Variants in PCLO observed in about 807,000 individuals in gnomAD.
The protein encoded by PCLO is protein piccolo.
In PCLO, 82 loss-of-function variants were observed where a neutral mutation model predicts 427.5. That is an observed-to-expected ratio of 0.19 (90% CI 0.16 to 0.23). The LOEUF (loss-of-function observed/expected upper bound fraction) is 0.23, where lower values mean the gene tolerates loss of function less well. PCLO is among the 10% of genes least tolerant of loss of function. The pLI, the probability that PCLO is intolerant of heterozygous loss-of-function variation, is 1.00. For missense variants in PCLO, 6,239 were observed against 6,115.9 expected, an observed-to-expected ratio of 1.02 and a Z score of -0.67; for synonymous variants, 2,357 against 2,155.4, an observed-to-expected ratio of 1.09 and a Z score of -2.59.
intron 3 of PCLO, among the ~76,000 whole-genome samples, chr7:82,977,997 A>C (rs1182705132): frequency 2.0e-5 from 3 of 152,168 alleles, no homozygotes; most frequent in East Asian, 3.9e-4. Context: ...TTTCATATAT[A>C]TCTTTTAAAA....
chr7:82,772,631 TTC>T (rs1790670428), intron 22 of PCLO, among the ~76,000 whole-genome samples: 1 of 152,202 alleles, frequency 6.6e-6, no homozygotes, highest in Non-Finnish European at 1.5e-5. Context: ...AGCCTGCACA[TTC>T]TCTCTGTATT....
intron 10 of PCLO, among the ~76,000 whole-genome samples, chr7:82,867,468 C>A (rs1312336794): frequency 6.6e-6 from 1 of 152,166 alleles, no homozygotes; most frequent in African/African-American, 2.4e-5. Context: ...AAAAGCATGG[C>A]TGTCTACAAA....
At position 82,966,518 on chromosome 7, in the gene PCLO, G is replaced by A. The variant is rs6963292; in HGVS notation, c.3301-31C>T. The A allele has an allele frequency of 0.015, 20,002 of 1,341,420 alleles. 2,379 individuals are homozygous for A. The African/African-American group carries it at 0.26, about 17-fold the overall frequency. 83.1% of individuals were successfully genotyped at this position (1,341,420 alleles called of 1,614,324 possible). ...GGAAAAAAATTACAATGAACAGATTGAATGTATTATAATGTATCTGTTTCT... is the reference window on the plus strand; with the variant it reads ...GGAAAAAAATTACAATGAACAGATTAAATGTATTATAATGTATCTGTTTCT... On this transcript the variant is annotated intron_variant, in intron 3 of 24. Coordinates refer to ENST00000333891, the MANE Select transcript of PCLO (RefSeq NM_033026.6).
At chr7:82,945,719 TCCTGTA>T (rs1298254248) in intron 6 of PCLO, among the ~76,000 whole-genome samples, 1 of 152,194 alleles carries the variant, frequency 6.6e-6, no homozygotes, top group Admixed American at 6.5e-5. Context: ...CTCTGATTCA[TCCTGTA>T]CCTTTACAGT....
intron 2 of PCLO, among the ~76,000 whole-genome samples, chr7:83,147,629 A>C (rs1792028408): frequency 6.6e-6 from 1 of 152,210 alleles, no homozygotes; most frequent in Non-Finnish European, 1.5e-5. Flanking sequence ...TTTCACCAAG[A>C]AGAATACCAA....
chr7:82,890,356 GTGTTC>G (rs1793728747), intron 9 of PCLO, among the ~76,000 whole-genome samples: 2 of 151,872 alleles, frequency 1.3e-5, no homozygotes. Context: ...ATAGTTTCAT[GTGTTC>G]ATTGTTTCAT....
Position 83,155,517 on chromosome 7 carries a change from T to TGAGCTGGAGGCTTAGAAGGACCAAGAG in PCLO, c.1123_1124insCTCTTGGTCCTTCTAAGCCTCCAGCTC (p.Gln374_Gln375insProLeuGlyProSerLysProProAla). On this transcript the variant is annotated inframe_insertion, in exon 2 of 25. Transcript: ENST00000333891. ...CGATGAAGGCTTCTCTGACCCAGTC[T>TGAGCTGGAGGCTTAGAAGGACCAAGAG]GCTGAGCTGGAGGCTTAGCAGGACC... 6.2e-7 allele frequency: 1 copy of TGAGCTGGAGGCTTAGAAGGACCAAGAG among 1,609,456 alleles called. No homozygotes were observed. Among genetic ancestry groups the TGAGCTGGAGGCTTAGAAGGACCAAGAG allele is most frequent in the Non-Finnish European group, 8.5e-7 (1 of 1,176,736 alleles).
rs138469118 is a variant in PCLO at position 83,141,241 on chromosome 7, A to G, written c.1894-5585T>C. 2.3e-3 allele frequency among the ~76,000 whole-genome samples: 343 copies of G among 151,584 alleles called. 4 individuals are homozygous for G. Among genetic ancestry groups the G allele is most frequent in the East Asian group, 0.016 (77 of 4,952 alleles). ...AACGATATCAATGTGTCCTGAAACA[A>G]CTCTTAGTTCCATGTGCACACATTA... On this transcript the variant is annotated intron_variant, in intron 2 of 24. Coordinates refer to ENST00000333891, the MANE Select transcript of PCLO (RefSeq NM_033026.6).
chr7:83,106,611 A>G (rs563028682), intron 3 of PCLO, among the ~76,000 whole-genome samples: 2 of 152,290 alleles, frequency 1.3e-5, no homozygotes, highest in East Asian at 1.9e-4. Flanking sequence ...CATTCTTTTA[A>G]AAAAGATCTT....
chr7:82,970,831 G>A (rs1359947540), intron 3 of PCLO, among the ~76,000 whole-genome samples: 1 of 151,832 alleles, frequency 6.6e-6, no homozygotes, highest in Non-Finnish European at 1.5e-5. Context: ...GTTTTTCACA[G>A]TGAGTAAAAA....
chr7:83,162,123 C>G (rs12666205), intron 1 of PCLO, among the ~76,000 whole-genome samples: 16,002 of 152,248 alleles, frequency 0.11, 961 homozygotes, highest in South Asian at 0.17. Flanking sequence ...ATCACAGTTC[C>G]AAGAATGTAA....
chr7:82,991,225 T>TATC (rs1293069746), intron 3 of PCLO, among the ~76,000 whole-genome samples: 2 of 152,164 alleles, frequency 1.3e-5, no homozygotes, highest in African/African-American at 4.8e-5. Flanking sequence ...TCTATCTATC[T>TATC]ATCTATCTGT....
chr7:82,981,745 C>T (rs74343634), intron 3 of PCLO, among the ~76,000 whole-genome samples: 3,510 of 152,138 alleles, frequency 0.023, 150 homozygotes, highest in African/African-American at 0.08. Context: ...ATTGCTTCAT[C>T]TTTACGTAAT....
intron 3 of PCLO, among the ~76,000 whole-genome samples, chr7:83,117,129 TTTATTTAGTACTGTAGCAA>T (rs1791154471): frequency 6.6e-6 from 1 of 152,190 alleles, no homozygotes; most frequent in Admixed American, 6.5e-5. Flanking sequence ...AAAGGGTATT[TTTATTTAGTACTGTAGCAA>T]TCACTACTAG....
chr7:83,046,483 G>A (rs1162034097), intron 3 of PCLO, among the ~76,000 whole-genome samples: 1 of 151,918 alleles, frequency 6.6e-6, no homozygotes, highest in Non-Finnish European at 1.5e-5. Flanking sequence ...TAGTTCCCCA[G>A]AACTTTTTCA....
At chr7:82,917,148 T>C (rs546867366) in intron 6 of PCLO, among the ~76,000 whole-genome samples, 84 of 152,270 alleles carry the variant, frequency 5.5e-4, no homozygotes, top group African/African-American at 1.6e-3. Context: ...GATTATTTAC[T>C]GAATCTATTT....
At chr7:82,891,225 T>G (rs1793757274) in intron 9 of PCLO, among the ~76,000 whole-genome samples, 1 of 152,132 alleles carries the variant, frequency 6.6e-6, no homozygotes, top group Non-Finnish European at 1.5e-5. Flanking sequence ...AAAGTCTGAT[T>G]AGCTATTTTT....
At chr7:83,095,211 GTTT>G (rs200062207) in intron 3 of PCLO, among the ~76,000 whole-genome samples, 2 of 151,884 alleles carry the variant, frequency 1.3e-5, no homozygotes, top group African/African-American at 4.8e-5. Context: ...TTGAGGAATC[GTTT>G]TTTTCTACTT....
chr7:83,137,591 C>T (rs971958637), intron 2 of PCLO, among the ~76,000 whole-genome samples: 2 of 152,046 alleles, frequency 1.3e-5, no homozygotes, highest in African/African-American at 2.4e-5. Context: ...CCACCACGCC[C>T]GGCTGATTTT....
Sources: allele counts gnomAD v4.1 joint callset (sites outside exome capture counted in the v4.1 genomes callset), GRCh38; gene constraint gnomAD v4.1.1; transcripts MANE v1.5; gene names NCBI Gene and HGNC (gene_info 2026-07-23, HGNC 2026-07-21).